The following TBC1D15 variants were observed in gnomAD, a reference collection of about 807,000 sequenced individuals.
TBC1D15 encodes the protein GAP for RAB7.
TBC1D15 carries 39 observed loss-of-function variants against 95.4 expected under a neutral mutation model. The ratio of observed to expected loss-of-function variants is 0.41; its 90% CI spans 0.32 to 0.53. The LOEUF (loss-of-function observed/expected upper bound fraction) is 0.53. Ranked by LOEUF, TBC1D15 falls within the 20% of genes least tolerant of loss-of-function variation. The pLI is 0.29. For missense variants in TBC1D15, 733 were observed against 794.3 expected (o/e 0.92, Z 0.93); for synonymous variants, 258 against 261.3 (o/e 0.99, Z 0.12).
At chr12:71,849,804 T>C (rs1592690344) in intron 1 of TBC1D15, 2 of 547,298 alleles carry the variant, frequency 3.7e-6, no homozygotes, top group South Asian at 3.0e-5. Context: ...AATTTTAATA[T>C]CTGTTTCTAA....
chr12:71,896,296 G>T (rs1898161574), intron 8 of TBC1D15: 1 of 446,858 alleles, frequency 2.2e-6, no homozygotes, highest in Non-Finnish European at 3.9e-6. Context: ...TGTTCCTGGG[G>T]GTTGGGTAGA....
rs565867457 is a variant in TBC1D15 at position 71,845,897 on chromosome 12, T to C, written c.30+6086T>C. Among the ~76,000 whole-genome samples the C allele has an allele frequency of 2.2e-4, 33 of 152,264 alleles. No homozygotes were observed. The South Asian group carries it at 3.1e-3, about 14-fold the overall frequency. On this transcript the variant is annotated intron_variant, in intron 1 of 16. Coordinates refer to ENST00000485960, the MANE Select transcript of TBC1D15 (RefSeq NM_001146213.3). ...TCCATTTTTGGAAATAAATAAAAATTATAATAATCATAATATAAGTAAAAA... is the reference window on the plus strand; with the variant it reads ...TCCATTTTTGGAAATAAATAAAAATCATAATAATCATAATATAAGTAAAAA...
intron 12 of TBC1D15, among the ~76,000 whole-genome samples, chr12:71,916,197 A>T (rs1488809794): frequency 6.6e-6 from 1 of 152,108 alleles, no homozygotes; most frequent in Non-Finnish European, 1.5e-5. Flanking sequence ...TTATTTACAG[A>T]CACATTTGAA....
At position 71,923,199 on chromosome 12, in the gene TBC1D15, GCATGATCACTGT is replaced by G. The variant is rs1212985125; in HGVS notation, c.2021_*7del. The G allele has an allele frequency of 6.2e-7, 1 of 1,613,700 alleles. No individual in the cohort carries two copies. Among genetic ancestry groups the G allele is most frequent in the Non-Finnish European group, 8.5e-7 (1 of 1,179,812 alleles). ...CTCAGATGTCTGCAGATTAACACCT[GCATGATCACTGT>G]TCTTGCTTTTTTGGGAAGAGACACT... On this transcript the variant is annotated stop_lost and 3_prime_UTR_variant, in exon 17 of 17. Transcript: ENST00000485960.
chr12:71,857,355 A>G (rs892002466), intron 1 of TBC1D15, among the ~76,000 whole-genome samples: 1 of 152,224 alleles, frequency 6.6e-6, no homozygotes, highest in Non-Finnish European at 1.5e-5. Flanking sequence ...TATTCACATC[A>G]TAATTGTTCC....
In TBC1D15 at chr12:71,872,094, T is replaced by C. The variant is rs1794434747; in HGVS notation, c.55T>C (p.Tyr19His). 3 of 1,562,638 alleles carry C rather than the reference T, an allele frequency of 1.9e-6. No homozygotes were observed. Among genetic ancestry groups the C allele is most frequent in the Non-Finnish European group, 2.6e-6 (3 of 1,156,370 alleles). The change falls in exon 2 of 17, where the codon TAT becomes CAT. Residue 19 changes from tyrosine (Y) to histidine (H), a missense_variant. Transcript: ENST00000485960. Reference protein sequence around the residue: ...GKIIYEQEGVYIHSSCGKTND... With the variant: ...GKIIYEQEGVHIHSSCGKTND... ...GATTATATATGAACAAGAAGGAGTA[T>C]ATATTCACTCATCTTGTGGAAAGAC...
intron 14 of TBC1D15, 60 bp downstream of exon 14, chr12:71,918,608 T>G: frequency 8.8e-7 from 1 of 1,134,392 alleles, no homozygotes; most frequent in Non-Finnish European, 1.3e-6. Flanking sequence ...CAATTTATTC[T>G]GTAGAGTGTA....
chr12:71,869,570 A>G (rs1273767023), intron 1 of TBC1D15, among the ~76,000 whole-genome samples: 1 of 152,162 alleles, frequency 6.6e-6, no homozygotes, highest in African/African-American at 2.4e-5. Context: ...ACAGAGAATT[A>G]AACAGTGGTT....
In TBC1D15 at chr12:71,889,582, G is replaced by A. The variant is rs1291145583; in HGVS notation, c.555-3640G>A. On this transcript the variant is annotated intron_variant, in intron 5 of 16. Transcript: ENST00000485960. ...AGCTATTCCAAGTAAATATTCACCA[G>A]TATTTAAAAAGTCCCAAATTTATAT... is the stretch of plus-strand genomic sequence containing the variant. Among the ~76,000 whole-genome samples, 108 of 152,090 alleles carry A rather than the reference G, an allele frequency of 7.1e-4. 2 individuals are homozygous for A. Among genetic ancestry groups the A allele is most frequent in the Admixed American group, 7.1e-3 (108 of 15,256 alleles).
intron 10 of TBC1D15, among the ~76,000 whole-genome samples, chr12:71,904,643 C>G (rs892624771): frequency 2.0e-5 from 3 of 152,048 alleles, no homozygotes; most frequent in African/African-American, 4.8e-5. Context: ...GTCTTTGCCA[C>G]AGAGTTATGG....
intron 1 of TBC1D15, among the ~76,000 whole-genome samples, chr12:71,853,202 G>A (rs777651114): frequency 1.3e-5 from 2 of 152,156 alleles, no homozygotes; most frequent in African/African-American, 2.4e-5. Flanking sequence ...ACATAGAGCA[G>A]GAGGAATAGA....
chr12:71,880,431 T>G, intron 3 of TBC1D15, 38 bp from the exon 4 acceptor site: 1 of 1,500,786 alleles, frequency 6.7e-7, no homozygotes. Context: ...TAAATTTGTT[T>G]TAGACTTTAA....
At chr12:71,899,942 GA>G (rs1428058876) in intron 10 of TBC1D15, among the ~76,000 whole-genome samples, 5 of 152,124 alleles carry the variant, frequency 3.3e-5, no homozygotes, top group African/African-American at 1.2e-4. Flanking sequence ...CTGGGTGACA[GA>G]GCGAGACCCC....
chr12:71,877,239 G>A (rs1894069859), intron 3 of TBC1D15, among the ~76,000 whole-genome samples: 1 of 146,822 alleles, frequency 6.8e-6, no homozygotes, highest in South Asian at 2.2e-4. Flanking sequence ...CTCTCTAGAA[G>A]CTTTTAATTA....
chr12:71,849,337 G>T (rs1462471494), intron 1 of TBC1D15: 1 of 1,290,690 alleles, frequency 7.7e-7, no homozygotes, highest in East Asian at 2.3e-5. Context: ...TATCATAGGA[G>T]GCAATGGAGC....
intron 12 of TBC1D15, among the ~76,000 whole-genome samples, chr12:71,915,652 C>A (rs769087621): frequency 1.3e-5 from 2 of 151,826 alleles, no homozygotes; most frequent in African/African-American, 2.4e-5. Context: ...CTTTACAGTC[C>A]GTCATTTTTT....
intron 11 of TBC1D15, chr12:71,907,541 T>C (rs1475068800): frequency 6.4e-6 from 1 of 156,034 alleles, no homozygotes. Context: ...AGGATGGTGA[T>C]AGCCAGTTGA....
At chr12:71,841,779 C>T (rs888188363) in intron 1 of TBC1D15, among the ~76,000 whole-genome samples, 1 of 152,150 alleles carries the variant, frequency 6.6e-6, no homozygotes, top group African/African-American at 2.4e-5. Flanking sequence ...AGTTATTTTT[C>T]TAATGCGCAA....
chr12:71,847,219 A>T (rs1313568600), intron 1 of TBC1D15, among the ~76,000 whole-genome samples: 1 of 152,090 alleles, frequency 6.6e-6, no homozygotes, highest in African/African-American at 2.4e-5. Flanking sequence ...CCATCACTCC[A>T]TGTGTCCTCA....
Sources: allele counts gnomAD v4.1 joint callset (sites outside exome capture counted in the v4.1 genomes callset), GRCh38; gene constraint gnomAD v4.1.1; transcripts MANE v1.5; gene names NCBI Gene and HGNC (gene_info 2026-07-23, HGNC 2026-07-21).